PRCP: variants seen among roughly 807,000 people sequenced by gnomAD.
PRCP encodes prolylcarboxypeptidase.
PRCP carries 46 observed loss-of-function variants against 54.2 expected under a neutral mutation model. The ratio of observed to expected loss-of-function variants is 0.85; its 90% CI spans 0.67 to 1.09. The LOEUF is 1.09. Ranked by LOEUF, PRCP falls within the 50% of genes least tolerant of loss-of-function variation. The pLI, the probability that PRCP is intolerant of heterozygous loss-of-function variation, is 0.00. For synonymous variants in PRCP, 240 were observed against 212.2 expected, an observed-to-expected ratio of 1.13 and a Z score of -1.14; for missense variants, 613 against 596.8, an observed-to-expected ratio of 1.03 and a Z score of -0.28.
At chr11:82,854,970 T>A (rs893694282) in intron 2 of PRCP, among the ~76,000 whole-genome samples, 1 of 152,208 alleles carries the variant, frequency 6.6e-6, no homozygotes, top group Non-Finnish European at 1.5e-5. Flanking sequence ...GCTAGCCATA[T>A]GCAGAAGATT....
intron 1 of PRCP, among the ~76,000 whole-genome samples, chr11:82,895,800 G>A (rs930750125): frequency 3.0e-4 from 46 of 152,100 alleles, no homozygotes; most frequent in African/African-American, 1.1e-3. Context: ...CATTTTACTA[G>A]ACATCAGGGC....
In PRCP at chr11:82,849,151, T is replaced by C. The variant is rs148080484; in HGVS notation, c.819A>G (p.Gln273=). Residue 273 remains glutamine (Q), a synonymous_variant, in exon 6 of 9, where the codon CAA becomes CAG. Coordinates refer to ENST00000313010, the MANE Select transcript of PRCP (RefSeq NM_005040.4). ...LCSPLTSQDI[Q]HLKDWISETW... ...TTTCAGAGATCCAGTCTTTCAAATG[T>C]TGGATGTCCTGAGAAGTTAATGGGC... is the stretch of plus-strand genomic sequence containing the variant. 3.9e-4 allele frequency: 637 copies of C among 1,614,092 alleles called. No individual in the cohort carries two copies. Among genetic ancestry groups the C allele is most frequent in the Non-Finnish European group, 5.1e-4 (596 of 1,179,950 alleles).
rs1858155789 is a variant in PRCP at position 82,823,968 on chromosome 11, A to C, written c.*938T>G. ...TCTGGTTTTAATGACAGCAGTAACA[A>C]CTATCAGAAAATAAAATTTTAAAAA... On this transcript the variant is annotated 3_prime_UTR_variant, in exon 9 of 9. Coordinates refer to ENST00000313010, the MANE Select transcript of PRCP (RefSeq NM_005040.4). 6.6e-6 allele frequency: 1 copy of C among 152,244 alleles called. No individual in the cohort carries two copies. Among genetic ancestry groups the C allele is most frequent in the Non-Finnish European group, 1.5e-5 (1 of 68,052 alleles). 9.4% of individuals were successfully genotyped at this position (152,244 alleles called of 1,614,324 possible).
At chr11:82,863,111 T>C (rs1007494557) in intron 1 of PRCP, among the ~76,000 whole-genome samples, 1 of 152,180 alleles carries the variant, frequency 6.6e-6, no homozygotes, top group Admixed American at 6.5e-5. Context: ...GCAATCCCCT[T>C]GGCTGAATCC....
chr11:82,832,345 C>T (rs1858407686), intron 8 of PRCP, among the ~76,000 whole-genome samples: 1 of 152,108 alleles, frequency 6.6e-6, no homozygotes, highest in African/African-American at 2.4e-5. Context: ...TCCTATTTCC[C>T]CACACCCTCT....
chr11:82,870,471 T>C (rs1382770954), intron 1 of PRCP, among the ~76,000 whole-genome samples: 1 of 152,188 alleles, frequency 6.6e-6, no homozygotes, highest in Non-Finnish European at 1.5e-5. Context: ...CCTTCTCCAC[T>C]GGGAAACAGA....
intron 8 of PRCP, among the ~76,000 whole-genome samples, chr11:82,833,492 G>C (rs1858442404): frequency 6.6e-6 from 1 of 152,156 alleles, no homozygotes; most frequent in Non-Finnish European, 1.5e-5. Context: ...TACACTGTTG[G>C]TGGGAGTGTA....
At chr11:82,900,853 C>T (rs1171665355), upstream of PRCP, 6 of 459,386 alleles carry the variant, frequency 1.3e-5, no homozygotes, top group African/African-American at 1.0e-4. Flanking sequence ...TTCCGCAAAT[C>T]CTACGTAACG....
At chr11:82,848,536 C>G (rs987641336) in intron 6 of PRCP, among the ~76,000 whole-genome samples, 1 of 152,172 alleles carries the variant, frequency 6.6e-6, no homozygotes, top group Non-Finnish European at 1.5e-5. Context: ...CTTTCAGAAT[C>G]TAATTTGATG....
intron 7 of PRCP, 76 bp downstream of exon 7, chr11:82,839,185 G>A: frequency 6.8e-7 from 1 of 1,479,550 alleles, no homozygotes; most frequent in Admixed American, 2.1e-5. Context: ...AAAATCTTGT[G>A]TACCCTGATT....
chr11:82,899,140 T>C (rs942308275), intron 1 of PRCP, among the ~76,000 whole-genome samples: 2 of 152,242 alleles, frequency 1.3e-5, no homozygotes, highest in African/African-American at 4.8e-5. Context: ...AGAAGGATTA[T>C]TGAGCCCACA....
chr11:82,849,374 C>A (rs1308877124), intron 5 of PRCP, among the ~76,000 whole-genome samples, 156 bp from the exon 6 acceptor site: 2 of 152,212 alleles, frequency 1.3e-5, no homozygotes, highest in Non-Finnish European at 2.9e-5. Flanking sequence ...CCATGACAGA[C>A]AAGTTGCCTA....
intron 6 of PRCP, among the ~76,000 whole-genome samples, chr11:82,844,682 G>A (rs1403108617): frequency 1.6e-5 from 2 of 128,808 alleles, no homozygotes; most frequent in Non-Finnish European, 3.2e-5. Context: ...GCAGTGAGCC[G>A]AGATCATGCC....
At chr11:82,853,111 T>C in intron 3 of PRCP, 66 bp downstream of exon 3, 2 of 1,195,496 alleles carry the variant, frequency 1.7e-6, no homozygotes, top group Non-Finnish European at 1.2e-6. Context: ...GTGGGGCATA[T>C]AATTTAGAAA....
chr11:82,879,357 G>A lies in PRCP; in HGVS notation c.169-19240C>T, dbSNP rs184268161. ...CTTGTGCATGCATCACGTAGTTCTC[G>A]TGCCATGGTTTTCAGCTCCATCACG... On this transcript the variant is annotated intron_variant, in intron 1 of 8. Coordinates refer to ENST00000313010, the MANE Select transcript of PRCP (RefSeq NM_005040.4). Among the ~76,000 whole-genome samples, 733 of 152,174 alleles carry A rather than the reference G, an allele frequency of 4.8e-3. 5 individuals are homozygous for A. Among genetic ancestry groups the A allele is most frequent in the African/African-American group, 0.016 (665 of 41,498 alleles).
chr11:82,850,680 A>G (rs117379368), intron 3 of PRCP, among the ~76,000 whole-genome samples, 175 bp from the exon 4 acceptor site: 137 of 152,358 alleles, frequency 9.0e-4, no homozygotes, highest in Non-Finnish European at 1.5e-3. Context: ...AAACTCATGA[A>G]AATGATTTTA....
At chr11:82,873,848 A>T (rs1266870951) in intron 1 of PRCP, among the ~76,000 whole-genome samples, 2 of 152,212 alleles carry the variant, frequency 1.3e-5, no homozygotes, top group Non-Finnish European at 2.9e-5. Flanking sequence ...CTGGAAAATT[A>T]AACTTTACAA....
At chr11:82,879,831 G>T (rs191389380) in intron 1 of PRCP, among the ~76,000 whole-genome samples, 23 of 152,340 alleles carry the variant, frequency 1.5e-4, no homozygotes, top group Non-Finnish European at 2.6e-4. Flanking sequence ...GGTATCACCA[G>T]CGGAGGCTGC....
At chr11:82,871,309 G>C (rs1489940505) in intron 1 of PRCP, among the ~76,000 whole-genome samples, 1 of 151,234 alleles carries the variant, frequency 6.6e-6, no homozygotes, top group East Asian at 2.0e-4. Context: ...CCTCTGAGTA[G>C]CTGCGACTAT....
Sources: gnomAD v4.1 joint callset for allele counts (sites outside exome capture counted in the v4.1 genomes callset) on GRCh38, gnomAD v4.1.1 for gene constraint, MANE v1.5 for transcripts, NCBI Gene and HGNC (gene_info 2026-07-23, HGNC 2026-07-21) for gene names.